ZSCAN5A: variants seen among roughly 807,000 people sequenced by gnomAD.
ZSCAN5A encodes zinc finger and SCAN domain-containing protein 5A.
ZSCAN5A carries 12 observed loss-of-function variants against 23.7 expected under a neutral mutation model. That is an observed-to-expected ratio of 0.51 (90% CI 0.32 to 0.82). ZSCAN5A has a LOEUF of 0.82. Among genes scored for constraint, ZSCAN5A ranks in the 40% least tolerant of loss-of-function variants. The pLI, the probability that ZSCAN5A is intolerant of heterozygous loss-of-function variation, is 0.03. For missense variants in ZSCAN5A, 597 were observed against 617.9 expected, an observed-to-expected ratio of 0.97 and a Z score of 0.36; for synonymous variants, 257 against 239.9, an observed-to-expected ratio of 1.07 and a Z score of -0.66.
Position 56,223,773 on chromosome 19 carries a change from T to G in ZSCAN5A, c.446A>C (p.Glu149Ala). The G allele has an allele frequency of 6.2e-7, 1 of 1,613,986 alleles. No individual in the cohort carries two copies. The highest frequency in any genetic ancestry group is 1.1e-5 in the South Asian group (1 of 91,074). ...IVQDSDIEMA[E>A]APSSVRDDLK... ...ATCATCTCTGACACTGGAGGGGGCT[T>G]CAGCCATCTCGATATCTGAGTCCTG... The change falls in exon 4 of 6, where the codon GAA (glutamate) becomes GCA (alanine). Residue 149 changes from glutamate to alanine, a missense_variant. Around this residue, in one of 5 missense-constraint regions of ZSCAN5A, gnomAD observed 406 missense variants for 353.2 expected, o/e 1.15. Coordinates refer to ENST00000683990, the MANE Select transcript of ZSCAN5A (RefSeq NM_001322064.3).
At chr19:56,360,446 A>G (rs975710270) in intron 2 of ZSCAN5A, among the ~76,000 whole-genome samples, 2 of 152,218 alleles carry the variant, frequency 1.3e-5, no homozygotes, top group African/African-American at 2.4e-5. Context: ...AAATGGAAAA[A>G]CATTCCATGC....
At chr19:56,233,492 C>T (rs369076545) in intron 2 of ZSCAN5A, among the ~76,000 whole-genome samples, 1 of 152,050 alleles carries the variant, frequency 6.6e-6, no homozygotes, top group Non-Finnish European at 1.5e-5. Flanking sequence ...GATGAGCCAT[C>T]CTGGCGGTGG....
chr19:56,224,330 G>A (rs1375605126), intron 3 of ZSCAN5A: 9 of 349,600 alleles, frequency 2.6e-5, no homozygotes, highest in African/African-American at 1.9e-4. Context: ...TTTCATGTTG[G>A]CCTCACACAG....
intron 2 of ZSCAN5A, among the ~76,000 whole-genome samples, chr19:56,247,980 G>A (rs181260110): frequency 5.9e-5 from 9 of 152,270 alleles, no homozygotes; most frequent in East Asian, 1.9e-4. Flanking sequence ...GTGAGCCACC[G>A]CACCTGGCCT....
intron 2 of ZSCAN5A, among the ~76,000 whole-genome samples, chr19:56,247,848 T>C (rs10405941): frequency 0.94 from 142,811 of 152,076 alleles, 67,156 homozygotes; most frequent in Non-Finnish European, 0.96. Context: ...CCTGCCACCA[T>C]GCCCGGCTAA....
At chr19:56,339,852 G>A (rs532852118) in intron 2 of ZSCAN5A, among the ~76,000 whole-genome samples, 5 of 152,212 alleles carry the variant, frequency 3.3e-5, no homozygotes, top group African/African-American at 7.2e-5. Flanking sequence ...GGTTGTAGCC[G>A]TATTTAGCAA....
chr19:56,269,708 G>A (rs1239478032), intron 2 of ZSCAN5A, among the ~76,000 whole-genome samples: 2 of 152,202 alleles, frequency 1.3e-5, no homozygotes, highest in Non-Finnish European at 2.9e-5. Flanking sequence ...GTTGGAGAGA[G>A]ATTTGAAGAC....
chr19:56,284,896 G>A (rs968207953), intron 2 of ZSCAN5A: 9 of 471,070 alleles, frequency 1.9e-5, no homozygotes, highest in East Asian at 3.1e-4. Context: ...CACACTTCCT[G>A]AAGAAGAGTT....
chr19:56,266,876 T>A (rs118112998), intron 2 of ZSCAN5A: 6,079 of 152,448 alleles, frequency 0.04, 162 homozygotes, highest in Middle Eastern at 0.091. Context: ...ACTATCATTC[T>A]CACGGCGGAG....
At chr19:56,363,390 G>A (rs952454172) in exon 2 of ZSCAN5A, 2 of 152,030 alleles carry the variant, frequency 1.3e-5, no homozygotes, top group Non-Finnish European at 2.9e-5. Flanking sequence ...CATGCTTGTG[G>A]TTCTCATCCT....
At chr19:56,355,591 A>C (rs2041696376) in intron 2 of ZSCAN5A, among the ~76,000 whole-genome samples, 1 of 149,110 alleles carries the variant, frequency 6.7e-6, no homozygotes, top group African/African-American at 2.5e-5. Context: ...AGCTCTGTAA[A>C]ACAATTATGA....
chr19:56,231,983 C>A (rs1470670542), intron 2 of ZSCAN5A, among the ~76,000 whole-genome samples: 1 of 77,028 alleles, frequency 1.3e-5, no homozygotes, highest in East Asian at 3.8e-4. Flanking sequence ...TTTTTTCTTT[C>A]TTTTTTTCTT....
chr19:56,314,514 A>C (rs1484439682), intron 1 of ZSCAN5A, 167 bp downstream of exon 1: 2 of 152,256 alleles, frequency 1.3e-5, no homozygotes, highest in African/African-American at 2.4e-5. Context: ...CCGCAAGGTC[A>C]CGGAAACTCC....
At chr19:56,317,919 A>C (rs2041334510), upstream of ZSCAN5A, 1 of 152,312 alleles carries the variant, frequency 6.6e-6, no homozygotes, top group Non-Finnish European at 1.5e-5. Flanking sequence ...ATCATAGGCC[A>C]GGAAGGTCTC....
chr19:56,244,030 T>G, intron 2 of ZSCAN5A: 1 of 836,512 alleles, frequency 1.2e-6, no homozygotes, highest in Non-Finnish European at 2.0e-6. Context: ...GACTGAAATA[T>G]TCTCCACCAG....
At chr19:56,336,456 T>G (rs1055202714) in intron 2 of ZSCAN5A, among the ~76,000 whole-genome samples, 2 of 152,236 alleles carry the variant, frequency 1.3e-5, no homozygotes, top group Non-Finnish European at 2.9e-5. Flanking sequence ...AGGACTTCTC[T>G]GCATTGGTTA....
chr19:56,223,546 A>C, intron 4 of ZSCAN5A, 85 bp downstream of exon 4: 1 of 1,402,378 alleles, frequency 7.1e-7, no homozygotes, highest in Admixed American at 2.0e-5. Context: ...CCTGTGTCAA[A>C]TCTCTCAATC....
At chr19:56,348,478 G>A (rs778867011) in intron 2 of ZSCAN5A, among the ~76,000 whole-genome samples, 61 of 152,144 alleles carry the variant, frequency 4.0e-4, no homozygotes, top group Non-Finnish European at 8.2e-4. Context: ...GCTCTTAGCT[G>A]ACAGCCAGTA....
intron 2 of ZSCAN5A, among the ~76,000 whole-genome samples, chr19:56,234,493 G>A (rs535469250): frequency 6.6e-6 from 1 of 150,890 alleles, no homozygotes; most frequent in South Asian, 2.1e-4. Context: ...CTCAATACCT[G>A]TTTTAAAAAA....
Sources: gnomAD v4.1 joint callset for allele counts (sites outside exome capture counted in the v4.1 genomes callset) on GRCh38, gnomAD v4.1.1 for gene constraint, gnomAD v4.1.1 regional missense constraint, MANE v1.5 for transcripts, NCBI Gene and HGNC (gene_info 2026-07-23, HGNC 2026-07-21) for gene names.